Variants in SCRN3 observed in about 807,000 individuals in gnomAD.
SCRN3 encodes secernin 3, also known as secernin-3.
A neutral mutation model predicts 43.1 loss-of-function variants in SCRN3; 39 were observed. That is an observed-to-expected ratio of 0.91 (90% CI 0.70 to 1.18). The LOEUF (loss-of-function observed/expected upper bound fraction) is 1.18, where lower values mean the gene tolerates loss of function less well. Ranked by LOEUF, SCRN3 falls within the 50% of genes most tolerant of loss-of-function variation. The probability of loss-of-function intolerance (pLI) is 0.00; values close to 1 mark genes in which losing one functional copy is unlikely to be tolerated. For synonymous variants in SCRN3, 147 were observed against 163.1 expected (o/e 0.90, Z 0.75); for missense variants, 484 against 498.0 (o/e 0.97, Z 0.27).
At position 174,401,087 on chromosome 2, in the gene SCRN3, A is replaced by G. The variant is rs766162552; in HGVS notation, c.439A>G (p.Arg147Gly). ...CCAGGGTGGAAATTGCACAGAGGGTAGAATGGTATTTAGCTATCACAACAG... is the reference window on the plus strand; with the variant it reads ...CCAGGGTGGAAATTGCACAGAGGGTGGAATGGTATTTAGCTATCACAACAG... ...YGQGGNCTEG[R>G]MVFSYHNSFL... The change falls in exon 4 of 8, where the codon AGA becomes GGA. Residue 147 changes from arginine to glycine, a missense_variant. By Grantham distance (125) the Arg-to-Gly change is moderately radical (BLOSUM62 -2). Transcript: ENST00000272732. 3.1e-6 allele frequency: 5 copies of G among 1,613,946 alleles called. No individual in the cohort carries two copies. The highest frequency in any genetic ancestry group is 2.2e-5 in the South Asian group (2 of 91,078).
intron 5 of SCRN3, among the ~76,000 whole-genome samples, chr2:174,422,025 AG>A (rs540092058): frequency 2.0e-5 from 3 of 152,312 alleles, no homozygotes; most frequent in Non-Finnish European, 4.4e-5. Flanking sequence ...ACAAGAATGG[AG>A]AAAAAGAGAC....
At chr2:174,413,506 T>G (rs1685997841) in intron 5 of SCRN3, among the ~76,000 whole-genome samples, 1 of 151,994 alleles carries the variant, frequency 6.6e-6, no homozygotes, top group Admixed American at 6.6e-5. Context: ...GCAGTTCTTT[T>G]ACATAGAATT....
At chr2:174,412,386 C>G (rs1685952660) in intron 5 of SCRN3, among the ~76,000 whole-genome samples, 1 of 150,758 alleles carries the variant, frequency 6.6e-6, no homozygotes, top group Non-Finnish European at 1.5e-5. Context: ...TCTGTCTTGT[C>G]CCAGCTCCCA....
chr2:174,398,608 G>A (rs1030991779), intron 2 of SCRN3, among the ~76,000 whole-genome samples, 166 bp downstream of exon 2: 35 of 152,234 alleles, frequency 2.3e-4, no homozygotes, highest in African/African-American at 7.9e-4. Context: ...TCAGTGATTC[G>A]GAGGACGTTG....
At chr2:174,423,445 A>G (rs1686363765) in intron 6 of SCRN3, among the ~76,000 whole-genome samples, 1 of 152,208 alleles carries the variant, frequency 6.6e-6, no homozygotes, top group South Asian at 2.1e-4. Flanking sequence ...AACTTAAAAT[A>G]TCAATAGTTC....
chr2:174,396,018 T>G, intron 1 of SCRN3: 2 of 1,340,536 alleles, frequency 1.5e-6, no homozygotes, highest in Non-Finnish European at 1.9e-6. Context: ...CATTACTTTC[T>G]GTGGACTCTG....
intron 5 of SCRN3, among the ~76,000 whole-genome samples, chr2:174,409,839 G>A (rs1320201670): frequency 7.0e-6 from 1 of 142,012 alleles, no homozygotes; most frequent in African/African-American, 2.5e-5. Flanking sequence ...GCTGCGTGCT[G>A]GGAGAACCAC....
At chr2:174,403,610 C>T (rs1685580960) in intron 4 of SCRN3, among the ~76,000 whole-genome samples, 1 of 152,098 alleles carries the variant, frequency 6.6e-6, no homozygotes, top group Admixed American at 6.6e-5. Context: ...CAAAAGCTTA[C>T]ATATTATTCC....
chr2:174,413,624 T>C (rs942459239), intron 5 of SCRN3, among the ~76,000 whole-genome samples: 3 of 142,730 alleles, frequency 2.1e-5, no homozygotes, highest in African/African-American at 7.7e-5. Context: ...AGAGTTTTGC[T>C]CTGTTACCCA....
chr2:174,398,271 T>G lies in SCRN3; in HGVS notation c.-9-4T>G, dbSNP rs1302284535. The G allele has an allele frequency of 6.5e-7, 1 of 1,543,432 alleles. No homozygotes were observed. The highest frequency in any genetic ancestry group is 2.3e-5 in the East Asian group (1 of 43,166). Reference sequence around the variant, plus strand: ...TTATTTTAAAACATCTGTATAATTTTTAGTTAAAAAAAATGGAACCTTTTT... The same window carrying G: ...TTATTTTAAAACATCTGTATAATTTGTAGTTAAAAAAAATGGAACCTTTTT... On this transcript the variant is annotated splice_region_variant and splice_polypyrimidine_tract_variant and intron_variant, in intron 1 of 7. Coordinates refer to ENST00000272732, the MANE Select transcript of SCRN3 (RefSeq NM_024583.5).
At chr2:174,409,406 G>A (rs1685817610) in intron 5 of SCRN3, among the ~76,000 whole-genome samples, 1 of 147,022 alleles carries the variant, frequency 6.8e-6, no homozygotes, top group African/African-American at 2.5e-5. Context: ...TGGTTTGAAT[G>A]TCCTCCCGTA....
chr2:174,429,164 G>C lies in SCRN3; in HGVS notation c.*1269G>C, dbSNP rs777008685. 9 of 152,140 alleles carry C rather than the reference G, an allele frequency of 5.9e-5. No homozygotes were observed. The highest frequency in any genetic ancestry group is 1.0e-4 in the Non-Finnish European group (7 of 68,026). The allele number at this position is 152,140 out of a possible 1,614,324, so 9.4% of individuals were successfully genotyped here. ...TGCCTTAAGTTTGGTTCAGTGATAGGCTGTCTTCTAACCCCTATACTCCTC... is the reference window on the plus strand; with the variant it reads ...TGCCTTAAGTTTGGTTCAGTGATAGCCTGTCTTCTAACCCCTATACTCCTC... On this transcript the variant is annotated 3_prime_UTR_variant, in exon 8 of 8. Coordinates refer to ENST00000272732, the MANE Select transcript of SCRN3 (RefSeq NM_024583.5).
chr2:174,421,254 C>A (rs951820873), intron 5 of SCRN3, among the ~76,000 whole-genome samples: 1 of 152,018 alleles, frequency 6.6e-6, no homozygotes, highest in African/African-American at 2.4e-5. Flanking sequence ...TGAAATAAAA[C>A]AGAGAATTAC....
intron 1 of SCRN3, 91 bp downstream of exon 1, chr2:174,395,908 T>G: frequency 2.1e-6 from 3 of 1,424,112 alleles, no homozygotes; most frequent in African/African-American, 2.9e-5. Context: ...ACCGAGGGGC[T>G]CCGGAGCCCA....
intron 2 of SCRN3, among the ~76,000 whole-genome samples, chr2:174,399,446 C>A (rs939479687): frequency 1.3e-5 from 2 of 152,208 alleles, no homozygotes; most frequent in African/African-American, 4.8e-5. Flanking sequence ...TATCACTAAT[C>A]AAGAAACACT....
chr2:174,427,949 CAA>C lies in SCRN3; in HGVS notation c.*56_*57del. ...TTAGTGATCAGTGGTCAGTAATCTT[CAA>C]AGTCAGAATCTATCACCTTGGTAAA... On this transcript the variant is annotated 3_prime_UTR_variant, in exon 8 of 8. Transcript: ENST00000272732. 8.4e-7 allele frequency: 1 copy of C among 1,197,464 alleles called. No homozygotes were observed. The highest frequency in any genetic ancestry group is 1.2e-6 in the Non-Finnish European group (1 of 834,370). The allele number at this position is 1,197,464 out of a possible 1,614,324, so 74.2% of individuals were successfully genotyped here.
intron 5 of SCRN3, among the ~76,000 whole-genome samples, chr2:174,412,860 C>CTTTTTTT (rs71024803): frequency 3.4e-4 from 21 of 61,922 alleles, no homozygotes; most frequent in Non-Finnish European, 4.5e-4. Context: ...CCATATAGTG[C>CTTTTTTT]TTTTTTTTTT....
intron 1 of SCRN3, chr2:174,397,107 A>G (rs1685348538): frequency 2.0e-6 from 2 of 982,750 alleles, no homozygotes; most frequent in South Asian, 9.4e-5. Context: ...AAATAACAGA[A>G]GCCATCAAGA....
chr2:174,422,663 A>C (rs1686332794), intron 5 of SCRN3, among the ~76,000 whole-genome samples: 1 of 152,056 alleles, frequency 6.6e-6, no homozygotes, highest in African/African-American at 2.4e-5. Context: ...TACCTGTTAC[A>C]ATGGCTTTGA....
Sources: allele counts gnomAD v4.1 joint callset (sites outside exome capture counted in the v4.1 genomes callset), GRCh38; gene constraint gnomAD v4.1.1; transcripts MANE v1.5; gene names NCBI Gene and HGNC (gene_info 2026-07-23, HGNC 2026-07-21).